The following PCDHA6 variants were observed in gnomAD, a reference collection of about 807,000 sequenced individuals.
PCDHA6 encodes the protein protocadherin alpha 6.
PCDHA6 carries 55 observed loss-of-function variants against 60.3 expected under a neutral mutation model. The observed-to-expected ratio is 0.91, with a 90% CI of 0.73 to 1.14. The LOEUF is 1.14. Among genes scored for constraint, PCDHA6 ranks in the 50% most tolerant of loss-of-function variants. PCDHA6 has a pLI of 0.00. For synonymous variants in PCDHA6, 652 were observed against 557.9 expected, an observed-to-expected ratio of 1.17 and a Z score of -2.38; for missense variants, 1,327 against 1,256.5, an observed-to-expected ratio of 1.06 and a Z score of -0.85.
In PCDHA6 at chr5:140,835,717, T is replaced by C. The variant is rs1773872619; in HGVS notation, c.2394+5232T>C. The C allele has an allele frequency of 1.9e-6, 3 of 1,613,628 alleles. No individual in the cohort carries two copies. Among genetic ancestry groups the C allele is most frequent in the African/African-American group, 2.7e-5 (2 of 74,884 alleles). On this transcript the variant is annotated intron_variant, in intron 1 of 3. Coordinates refer to ENST00000529310, the MANE Select transcript of PCDHA6 (RefSeq NM_018909.4). ...GCCACTGCTAGCGTGTCCGTGGAGG[T>C]GGCCGACGTGAACGACAACGCCCCG...
intron 1 of PCDHA6, chr5:140,877,802 A>C: frequency 6.2e-7 from 1 of 1,613,434 alleles, no homozygotes; most frequent in Non-Finnish European, 8.5e-7. Flanking sequence ...CCAAGCCTTC[A>C]GCTGTCTCGA....
At chr5:140,967,128 T>G in intron 1 of PCDHA6, 14 of 1,612,170 alleles carry the variant, frequency 8.7e-6, no homozygotes, top group Non-Finnish European at 1.1e-5. Flanking sequence ...CTGCTCAGCT[T>G]GGAAGTGCTG....
At chr5:140,870,512 G>A in intron 1 of PCDHA6, 1 of 1,614,224 alleles carries the variant, frequency 6.2e-7, no homozygotes, top group Non-Finnish European at 8.5e-7. Flanking sequence ...AACCCACCAG[G>A]CTGCCACATC....
chr5:140,927,213 G>C (rs1384969721), intron 1 of PCDHA6: 11 of 1,614,000 alleles, frequency 6.8e-6, no homozygotes, highest in Non-Finnish European at 9.3e-6. Flanking sequence ...CGCTGGAGCT[G>C]CACAAGATTC....
chr5:140,968,357 C>A (rs1554230636), intron 1 of PCDHA6: 2 of 1,614,080 alleles, frequency 1.2e-6, no homozygotes, highest in Non-Finnish European at 1.7e-6. Flanking sequence ...CAGTGGCAGC[C>A]TTTATGCTGT....
At chr5:140,968,349 G>A (rs1554230631) in intron 1 of PCDHA6, 2 of 1,614,128 alleles carry the variant, frequency 1.2e-6, no homozygotes, top group Admixed American at 3.3e-5. Context: ...AACAGTGCCA[G>A]TGGCAGCCTT....
Position 141,010,190 on chromosome 5 carries a change from C to G in PCDHA6, c.*253C>G. On this transcript the variant is annotated 3_prime_UTR_variant, in exon 4 of 4. Transcript: ENST00000529310. ...GAACCTAAAAAGCAGACCCAAGTTT[C>G]CTTTCTCCTCCGCCGCAAAGGAGAG... 1 of 1,552,504 alleles carries G rather than the reference C, an allele frequency of 6.4e-7. No individual in the cohort carries two copies. Among genetic ancestry groups the G allele is most frequent in the East Asian group, 2.4e-5 (1 of 40,930 alleles).
chr5:140,963,932 A>C (rs564788639), intron 1 of PCDHA6, among the ~76,000 whole-genome samples: 74 of 152,352 alleles, frequency 4.9e-4, no homozygotes, highest in African/African-American at 1.6e-3. Context: ...ACATGTCCAT[A>C]GCCAAACAGT....
At chr5:140,943,908 C>G (rs1554216015) in intron 1 of PCDHA6, among the ~76,000 whole-genome samples, 1 of 152,198 alleles carries the variant, frequency 6.6e-6, no homozygotes, top group Admixed American at 6.5e-5. Context: ...GTCATGAGCA[C>G]TTTAGCATGA....
intron 1 of PCDHA6, chr5:140,927,988 G>A (rs782075633): frequency 6.2e-6 from 10 of 1,614,200 alleles, no homozygotes; most frequent in South Asian, 1.1e-5. Flanking sequence ...TAGTGTAAAG[G>A]ATGAAGACCT....
chr5:140,966,970 G>C, intron 1 of PCDHA6: 1 of 1,602,870 alleles, frequency 6.2e-7, no homozygotes, highest in Non-Finnish European at 8.5e-7. Flanking sequence ...TGGGGCTTGA[G>C]CTGCGGCGCT....
intron 1 of PCDHA6, among the ~76,000 whole-genome samples, chr5:140,951,543 C>A (rs246041): frequency 1.3e-5 from 2 of 151,428 alleles, no homozygotes; most frequent in South Asian, 2.1e-4. Flanking sequence ...GAGCAAGGGA[C>A]GGGGGGAAGT....
At chr5:140,881,070 T>C (rs1461614506) in intron 1 of PCDHA6, among the ~76,000 whole-genome samples, 6 of 152,208 alleles carry the variant, frequency 3.9e-5, no homozygotes, top group Non-Finnish European at 8.8e-5. Flanking sequence ...CAGATAATTA[T>C]TGGAGCTATG....
At position 141,010,264 on chromosome 5, in the gene PCDHA6, G is replaced by A. The variant is rs1265692233; in HGVS notation, c.*327G>A. On this transcript the variant is annotated 3_prime_UTR_variant, in exon 4 of 4. Transcript: ENST00000529310. ...GGTTGGACTCTCTGCCCTGTGCTCC[G>A]GGGATCCTGTCTTGATGACACTTGC... The A allele has an allele frequency of 1.4e-5, 22 of 1,551,586 alleles. No individual in the cohort carries two copies. The highest frequency in any genetic ancestry group is 1.1e-4 in the South Asian group (9 of 84,060).
intron 1 of PCDHA6, among the ~76,000 whole-genome samples, chr5:140,932,569 C>T (rs58622542): frequency 0.013 from 2,018 of 151,826 alleles, 38 homozygotes; most frequent in African/African-American, 0.046. Flanking sequence ...GTAGACTTTC[C>T]CATAGGGTAA....
chr5:140,999,180 GAGA>G (rs1554256675), intron 3 of PCDHA6, among the ~76,000 whole-genome samples: 1 of 152,238 alleles, frequency 6.6e-6, no homozygotes, highest in East Asian at 1.9e-4. Context: ...GCCTGATGGG[GAGA>G]GGGTCCTTGG....
chr5:140,876,343 T>C lies in PCDHA6; in HGVS notation c.2394+45858T>C, dbSNP rs1196276310. ...AATGATTTTGCCAGTGAGTGAGAAA[T>C]GTATGTTTTCAATAAATCCAGACAC... is the stretch of plus-strand genomic sequence containing the variant. On this transcript the variant is annotated intron_variant, in intron 1 of 3. Transcript: ENST00000529310. 2 of 1,613,972 alleles carry C rather than the reference T, an allele frequency of 1.2e-6. No individual in the cohort carries two copies. The highest frequency in any genetic ancestry group is 1.1e-5 in the South Asian group (1 of 91,090).
chr5:140,915,410 A>G (rs2077112688), intron 1 of PCDHA6, among the ~76,000 whole-genome samples: 1 of 152,172 alleles, frequency 6.6e-6, no homozygotes, highest in Non-Finnish European at 1.5e-5. Flanking sequence ...TAGTCTTTGC[A>G]GTCTGGGCTT....
chr5:141,003,574 A>G (rs559561339), intron 3 of PCDHA6, among the ~76,000 whole-genome samples: 22 of 151,680 alleles, frequency 1.5e-4, no homozygotes, highest in Admixed American at 3.9e-4. Context: ...CAGACTCCCA[A>G]AGTGCTGGGA....
Sources: gnomAD v4.1 joint callset for allele counts (sites outside exome capture counted in the v4.1 genomes callset) on GRCh38, gnomAD v4.1.1 for gene constraint, MANE v1.5 for transcripts, NCBI Gene and HGNC (gene_info 2026-07-23, HGNC 2026-07-21) for gene names.